Variants in ZCCHC10 observed in about 807,000 individuals in gnomAD.
The protein encoded by ZCCHC10 is zinc finger CCHC domain-containing protein 10.
ZCCHC10 carries 16 observed loss-of-function variants against 19.5 expected under a neutral mutation model. The ratio of observed to expected loss-of-function variants is 0.82; its 90% CI spans 0.56 to 1.25. The LOEUF is 1.25. Ranked by LOEUF, ZCCHC10 falls within the 50% of genes most tolerant of loss-of-function variation. The probability of loss-of-function intolerance (pLI) is 0.00; values close to 1 mark genes in which losing one functional copy is unlikely to be tolerated. For missense variants in ZCCHC10, 197 were observed against 201.0 expected (o/e 0.98, Z 0.12); for synonymous variants, 67 against 72.5 (o/e 0.92, Z 0.38).
intron 2 of ZCCHC10, 127 bp downstream of exon 2, chr5:133,022,714 G>GCTCA: frequency 2.7e-6 from 1 of 371,958 alleles, no homozygotes; most frequent in Non-Finnish European, 4.8e-6. Flanking sequence ...GCCTCCCAAA[G>GCTCA]TGCTGGGATT....
At chr5:133,003,164 TC>T in intron 3 of ZCCHC10, 1 of 338,450 alleles carries the variant, frequency 3.0e-6, no homozygotes, top group Non-Finnish European at 5.8e-6. Context: ...GCGAAGTTGA[TC>T]CCCCTTTTTG....
At chr5:133,020,150 G>C (rs894567984) in intron 2 of ZCCHC10, among the ~76,000 whole-genome samples, 2 of 151,904 alleles carry the variant, frequency 1.3e-5, no homozygotes, top group Non-Finnish European at 2.9e-5. Context: ...GGGCAACATA[G>C]TGACACCCTG....
chr5:133,009,168 A>G (rs1237226666), intron 2 of ZCCHC10, among the ~76,000 whole-genome samples: 1 of 152,008 alleles, frequency 6.6e-6, no homozygotes, highest in Non-Finnish European at 1.5e-5. Context: ...ACGCCCGGCT[A>G]ATTTTTGTAT....
chr5:133,004,178 CTT>C (rs111850766), intron 3 of ZCCHC10, among the ~76,000 whole-genome samples: 5 of 142,920 alleles, frequency 3.5e-5, no homozygotes, highest in Admixed American at 7.1e-5. Flanking sequence ...TTTTTAATTT[CTT>C]TTTTTTTTTT....
At chr5:133,025,151 T>C (rs1446806828) in intron 1 of ZCCHC10, among the ~76,000 whole-genome samples, 4 of 151,954 alleles carry the variant, frequency 2.6e-5, no homozygotes, top group African/African-American at 9.7e-5. Flanking sequence ...TGGCATGAAA[T>C]ATTTATGAAA....
intron 2 of ZCCHC10, among the ~76,000 whole-genome samples, chr5:133,015,756 ACTC>A (rs61432740): frequency 0.31 from 46,937 of 151,922 alleles, 8,123 homozygotes; most frequent in African/African-American, 0.47. Context: ...CGCCTAGGTC[ACTC>A]CTCAATTCCT....
At position 133,020,970 on chromosome 5, in the gene ZCCHC10, T is replaced by C. The variant is rs1020338601; in HGVS notation, c.107+1871A>G. Among the ~76,000 whole-genome samples, 13 of 148,954 alleles carry C rather than the reference T, an allele frequency of 8.7e-5. No homozygotes were observed. The East Asian group carries it at 2.6e-3, about 29-fold the overall frequency. Reference sequence around the variant, plus strand: ...GGAGTGCAGTGGTGCAATCTCGGCTTACTGCAAGCTCTGCCTCTCGGCTTC... The same window carrying C: ...GGAGTGCAGTGGTGCAATCTCGGCTCACTGCAAGCTCTGCCTCTCGGCTTC... On this transcript the variant is annotated intron_variant, in intron 2 of 4. Transcript: ENST00000509437.
Position 133,022,866 on chromosome 5 carries a change from G to T in ZCCHC10, c.82C>A (p.Leu28Met), listed in dbSNP as rs542893544. The T allele has an allele frequency of 8.1e-6, 5 of 613,810 alleles. No homozygotes were observed. In the South Asian group the frequency reaches 9.6e-5, roughly 12 times the overall value. 38.0% of individuals were successfully genotyped at this position (613,810 alleles called of 1,614,324 possible). The stretch of plus-strand genomic sequence containing the variant: ...CTAATAACGATGGATGGCTGAATCA[G>T]GATCCAAAAGGTCTTGACAGGCTGC... ...ELQPVKTFWI[L>M]IQPSIVISEA... The change falls in exon 2 of 5, where the codon CTG (leucine) becomes ATG (methionine). Residue 28 changes from leucine to methionine, a missense_variant. Transcript: ENST00000509437.
chr5:133,004,205 G>T (rs1252895899), intron 3 of ZCCHC10, among the ~76,000 whole-genome samples: 1 of 145,800 alleles, frequency 6.9e-6, no homozygotes, highest in Non-Finnish European at 1.5e-5. Context: ...ATGGAGTTTC[G>T]CTCTCGTTGC....
intron 2 of ZCCHC10, among the ~76,000 whole-genome samples, chr5:133,016,477 C>T (rs1348597081): frequency 6.6e-6 from 1 of 151,906 alleles, no homozygotes; most frequent in African/African-American, 2.4e-5. Context: ...GAGTTTTGCG[C>T]CTGTGCCCAG....
chr5:133,022,838 T>C lies in ZCCHC10; in HGVS notation c.107+3A>G. The C allele has an allele frequency of 1.7e-6, 1 of 590,374 alleles. No individual in the cohort carries two copies. The highest frequency in any genetic ancestry group is 3.0e-6 in the Non-Finnish European group (1 of 334,078). The allele number at this position is 590,374 out of a possible 1,614,324, so 36.6% of individuals were successfully genotyped here. ...GCAGTTGACACAAAGCTGAGAGGGATACCTAATAACGATGGATGGCTGAAT... is the reference window on the plus strand; with the variant it reads ...GCAGTTGACACAAAGCTGAGAGGGACACCTAATAACGATGGATGGCTGAAT... On this transcript the variant is annotated splice_donor_region_variant and intron_variant, in intron 2 of 4. Coordinates refer to ENST00000509437, the MANE Select transcript of ZCCHC10 (RefSeq NM_001300816.3).
intron 3 of ZCCHC10, among the ~76,000 whole-genome samples, chr5:133,002,013 A>G (rs953885933): frequency 4.3e-5 from 5 of 115,220 alleles, no homozygotes; most frequent in Admixed American, 2.5e-4. Flanking sequence ...CCCAGGCAGG[A>G]GTGCAGTGCT....
rs1484486090 is a variant in ZCCHC10 at position 132,997,832 on chromosome 5, T to G, written c.*751A>C. On this transcript the variant is annotated 3_prime_UTR_variant, in exon 5 of 5. Transcript: ENST00000509437. ...TAGCACTTCTATTTAAGTTAGCCTCTTACATGGCTGCTTTCTTTTCTGATA... is the reference window on the plus strand; with the variant it reads ...TAGCACTTCTATTTAAGTTAGCCTCGTACATGGCTGCTTTCTTTTCTGATA... 6.6e-6 allele frequency: 1 copy of G among 152,184 alleles called. No individual in the cohort carries two copies. Among genetic ancestry groups the G allele is most frequent in the East Asian group, 1.9e-4 (1 of 5,206 alleles). 9.4% of individuals were successfully genotyped at this position (152,184 alleles called of 1,614,324 possible). A position where few individuals can be genotyped will look rare whatever the true frequency, so the allele number is the denominator to read the frequency against.
At chr5:133,009,627 A>G (rs1763363684) in intron 2 of ZCCHC10, among the ~76,000 whole-genome samples, 1 of 151,670 alleles carries the variant, frequency 6.6e-6, no homozygotes, top group Non-Finnish European at 1.5e-5. Flanking sequence ...AAAAAAAAAA[A>G]AAAAAAGAAT....
rs868438749 is a variant in ZCCHC10, at chr5:133,019,734, C to T, written c.107+3107G>A. ...CTTTGGGAGGCGAAGGCGGGTGGAT[C>T]ACTTGAGGTCAGGAGTTCAAGACCA... On this transcript the variant is annotated intron_variant, in intron 2 of 4. Coordinates refer to ENST00000509437, the MANE Select transcript of ZCCHC10 (RefSeq NM_001300816.3). Among the ~76,000 whole-genome samples, 8 of 152,020 alleles carry T rather than the reference C, an allele frequency of 5.3e-5. 1 individual carries two copies. The Middle Eastern group carries it at 0.01, about 194-fold the overall frequency.
intron 2 of ZCCHC10, among the ~76,000 whole-genome samples, chr5:133,022,535 C>T (rs555819037): frequency 6.6e-6 from 1 of 151,760 alleles, no homozygotes; most frequent in East Asian, 1.9e-4. Context: ...CTCACTGCAA[C>T]CTCCGTCTCC....
chr5:133,024,365 G>C (rs1764529454), intron 1 of ZCCHC10, among the ~76,000 whole-genome samples: 1 of 152,106 alleles, frequency 6.6e-6, no homozygotes, highest in Non-Finnish European at 1.5e-5. Flanking sequence ...AATCCCACAG[G>C]CATGGTTTAG....
At chr5:133,004,309 G>A (rs2126561498) in intron 3 of ZCCHC10, among the ~76,000 whole-genome samples, 1 of 151,758 alleles carries the variant, frequency 6.6e-6, no homozygotes, top group South Asian at 2.1e-4. Context: ...CAAGCAGCTG[G>A]GATTATGGGC....
chr5:133,021,784 A>G (rs993862750), intron 2 of ZCCHC10, among the ~76,000 whole-genome samples: 12 of 148,410 alleles, frequency 8.1e-5, no homozygotes, highest in African/African-American at 3.1e-4. Flanking sequence ...AGCTTACTAC[A>G]ATTTTACTTT....
Sources: allele counts gnomAD v4.1 joint callset (sites outside exome capture counted in the v4.1 genomes callset), GRCh38; gene constraint gnomAD v4.1.1; transcripts MANE v1.5; gene names NCBI Gene and HGNC (gene_info 2026-07-23, HGNC 2026-07-21).